The following SEPTIN12 variants were observed in gnomAD, a reference collection of about 807,000 sequenced individuals.
SEPTIN12 encodes the protein septin 12, also known as septin-12.
In SEPTIN12, 42 loss-of-function variants were observed where a neutral mutation model predicts 37.7. The ratio of observed to expected loss-of-function variants is 1.11; its 90% CI spans 0.87 to 1.44. The LOEUF (loss-of-function observed/expected upper bound fraction) is 1.44, where lower values mean the gene tolerates loss of function less well. Among genes scored for constraint, SEPTIN12 ranks in the 40% most tolerant of loss-of-function variants. The pLI is 0.00. For missense variants in SEPTIN12, 613 were observed against 479.2 expected (o/e 1.28, Z -2.61); for synonymous variants, 254 against 196.7 (o/e 1.29, Z -2.44).
chr16:4,789,714 C>A (rs2082520997), upstream of SEPTIN12, among the ~76,000 whole-genome samples: 1 of 152,108 alleles, frequency 6.6e-6, no homozygotes, highest in Non-Finnish European at 1.5e-5. Context: ...TCACCTCAGC[C>A]TCCCTAAATG....
chr16:4,783,595 C>T lies in SEPTIN12; in HGVS notation c.631-38G>A, dbSNP rs1475777448. The T allele has an allele frequency of 3.1e-6, 5 of 1,611,662 alleles. No homozygotes were observed. In the African/African-American group the frequency reaches 5.3e-5, roughly 17 times the overall value. ...CACAGGTGACCTCAGCCCACCCTGC[C>T]CACTCTGCCCTCTGCCCCCGCTGAC... On this transcript the variant is annotated intron_variant, in intron 6 of 9. Coordinates refer to ENST00000268231, the MANE Select transcript of SEPTIN12 (RefSeq NM_144605.5).
At position 4,787,486 on chromosome 16, in the gene SEPTIN12, CCAT is replaced by C. The variant is rs1437256234; in HGVS notation, c.157_159del (p.Met53del). On this transcript the variant is annotated inframe_deletion, in exon 2 of 10. Coordinates refer to ENST00000268231, the MANE Select transcript of SEPTIN12 (RefSeq NM_144605.5). ...GGCCCTACCTCTCACTCACCCACCACCATGATGTTGAACTCAAACCCCATCTTC... is the reference window on the plus strand; with the variant it reads ...GGCCCTACCTCTCACTCACCCACCACGATGTTGAACTCAAACCCCATCTTC... 1.2e-5 allele frequency: 19 copies of C among 1,612,654 alleles called. No homozygotes were observed. Among genetic ancestry groups the C allele is most frequent in the Admixed American group, 3.3e-5 (2 of 59,992 alleles).
chr16:4,777,877 C>T lies in SEPTIN12; in HGVS notation c.997G>A (p.Ala333Thr), dbSNP rs1332428589. 3.8e-6 allele frequency: 6 copies of T among 1,597,076 alleles called. No homozygotes were observed. Among genetic ancestry groups the T allele is most frequent in the Admixed American group, 1.8e-5 (1 of 56,364 alleles). ...RGPGWVNLAP[A>T]SPGQLTTPRT... is the part of the protein sequence containing the mutation. Reference sequence around the variant, plus strand: ...GGGGTGGTCAGCTGTCCTGGGGAGGCCGGGGCCAGGTTCACCCAGCCGGGC... The same window carrying T: ...GGGGTGGTCAGCTGTCCTGGGGAGGTCGGGGCCAGGTTCACCCAGCCGGGC... The change falls in exon 10 of 10, where the codon GCC becomes ACC. Residue 333 changes from alanine to threonine, a missense_variant. Physicochemically the swap from Ala to Thr is moderately conservative, Grantham distance 58 (BLOSUM62 0). Coordinates refer to ENST00000268231, the MANE Select transcript of SEPTIN12 (RefSeq NM_144605.5).
upstream of SEPTIN12, among the ~76,000 whole-genome samples, chr16:4,790,985 A>C (rs1019088357): frequency 5.3e-5 from 8 of 152,168 alleles, no homozygotes; most frequent in African/African-American, 1.9e-4. Flanking sequence ...CTCTCCCATA[A>C]GCAGCTGAGG....
At chr16:4,789,334 T>C (rs1056523965), upstream of SEPTIN12, among the ~76,000 whole-genome samples, 14 of 148,576 alleles carry the variant, frequency 9.4e-5, no homozygotes, top group African/African-American at 3.6e-4. Flanking sequence ...CTTTTTTTCT[T>C]TTTTTTTTTG....
intron 6 of SEPTIN12, 21 bp downstream of exon 6, chr16:4,783,628 C>T: frequency 6.2e-7 from 1 of 1,613,126 alleles, no homozygotes; most frequent in Non-Finnish European, 8.5e-7. Flanking sequence ...GACCCCAGCC[C>T]TGCCCGGGCA....
At chr16:4,778,804 A>AT (rs2082341181) in intron 8 of SEPTIN12, among the ~76,000 whole-genome samples, 1 of 150,126 alleles carries the variant, frequency 6.7e-6, no homozygotes, top group African/African-American at 2.5e-5. Context: ...TGTCTCAAAA[A>AT]AATATATATA....
intron 4 of SEPTIN12, 69 bp from the exon 5 acceptor site, chr16:4,784,137 T>C: frequency 1.3e-6 from 2 of 1,585,036 alleles, no homozygotes; most frequent in South Asian, 2.2e-5. Flanking sequence ...CTCTCCTCTG[T>C]GTCCTCTGGG....
chr16:4,784,099 A>C (rs200229149), intron 4 of SEPTIN12, 31 bp from the exon 5 acceptor site: 5 of 1,612,994 alleles, frequency 3.1e-6, no homozygotes, highest in Non-Finnish European at 4.2e-6. Flanking sequence ...TCCCCTCAGA[A>C]CTGTGCTGTG....
intron 8 of SEPTIN12, among the ~76,000 whole-genome samples, chr16:4,779,356 C>T (rs983435516): frequency 2.0e-5 from 3 of 152,098 alleles, no homozygotes; most frequent in African/African-American, 4.8e-5. Context: ...CTGCACATAG[C>T]GGTGCCTGAT....
intron 4 of SEPTIN12, among the ~76,000 whole-genome samples, chr16:4,784,769 CTAAATAAATAAATAAATAAATAAA>C (rs55943515): frequency 2.9e-5 from 4 of 136,246 alleles, no homozygotes; most frequent in African/African-American, 5.5e-5. Context: ...GACACTGTCT[CTAAATAAATAAATAAATAAATAAA>C]TAAATAAATA....
At chr16:4,785,650 G>T (rs548595526) in intron 4 of SEPTIN12, 157 bp downstream of exon 4, 2 of 602,998 alleles carry the variant, frequency 3.3e-6, no homozygotes, top group African/African-American at 3.7e-5. Flanking sequence ...GGTGGCGGGC[G>T]CCTGTAATCC....
At chr16:4,783,810 T>C (rs2082401600) in intron 5 of SEPTIN12, 44 bp from the exon 6 acceptor site, 1 of 1,603,016 alleles carries the variant, frequency 6.2e-7, no homozygotes, top group Non-Finnish European at 8.5e-7. Flanking sequence ...TGGTGGTGAG[T>C]GTATAAACGA....
rs1313861416 is a variant in SEPTIN12 at position 4,777,760 on chromosome 16, A to T, written c.*37T>A. 6 of 1,401,060 alleles carry T rather than the reference A, an allele frequency of 4.3e-6. No homozygotes were observed. The highest frequency in any genetic ancestry group is 4.8e-6 in the Non-Finnish European group (5 of 1,044,112). 86.8% of individuals were successfully genotyped at this position (1,401,060 alleles called of 1,614,324 possible). ...AGGTGTGTGTTGAGAGCCGCTGGGG[A>T]CTCAGGAAGCCCAGCAGCCCCGGGA... On this transcript the variant is annotated 3_prime_UTR_variant, in exon 10 of 10. Coordinates refer to ENST00000268231, the MANE Select transcript of SEPTIN12 (RefSeq NM_144605.5).
In SEPTIN12 at chr16:4,784,082, T is replaced by G. The variant is rs902379637; in HGVS notation, c.375-14A>C. The stretch of plus-strand genomic sequence containing the variant: ...ATGGGGTCCCAGCTGAGGCGGGAGG[T>G]GGACCCTCCCCTCAGAACTGTGCTG... On this transcript the variant is annotated splice_polypyrimidine_tract_variant and intron_variant, in intron 4 of 9. Transcript: ENST00000268231. The G allele has an allele frequency of 3.7e-6, 6 of 1,613,148 alleles. No individual in the cohort carries two copies. In the South Asian group the frequency reaches 5.5e-5, roughly 15 times the overall value.
At chr16:4,787,390 G>T in intron 2 of SEPTIN12, 90 bp downstream of exon 2, 1 of 1,162,094 alleles carries the variant, frequency 8.6e-7, no homozygotes, top group East Asian at 2.3e-5. Flanking sequence ...GAGATGGGGA[G>T]GGGCGACAGG....
chr16:4,779,005 G>T (rs1352956185), intron 8 of SEPTIN12, among the ~76,000 whole-genome samples: 1 of 151,626 alleles, frequency 6.6e-6, no homozygotes, highest in Non-Finnish European at 1.5e-5. Flanking sequence ...GGGCGTGGTG[G>T]CAGGTGCCTG....
At chr16:4,785,576 C>G (rs1484446156) in intron 4 of SEPTIN12, 1 of 491,208 alleles carries the variant, frequency 2.0e-6, no homozygotes, top group African/African-American at 1.9e-5. Context: ...GAGTTCAAGA[C>G]CAGCCTGGCC....
upstream of SEPTIN12, among the ~76,000 whole-genome samples, chr16:4,791,047 C>T (rs1252772787): frequency 2.6e-5 from 4 of 152,258 alleles, no homozygotes; most frequent in Admixed American, 6.5e-5. Context: ...GTGTGGACTG[C>T]GTTTGAGCAG....
Sources: allele counts gnomAD v4.1 joint callset (sites outside exome capture counted in the v4.1 genomes callset), GRCh38; gene constraint gnomAD v4.1.1; transcripts MANE v1.5; gene names NCBI Gene and HGNC (gene_info 2026-07-23, HGNC 2026-07-21).